Variants in IGF2BP3 observed in about 807,000 individuals in gnomAD.
IGF2BP3 encodes the protein insulin-like growth factor 2 mRNA-binding protein 3.
Under a neutral mutation model 73.8 loss-of-function variants are expected in IGF2BP3, and 9 were observed. The ratio of observed to expected loss-of-function variants is 0.12; its 90% CI spans 0.07 to 0.21. IGF2BP3 has a LOEUF of 0.21. IGF2BP3 is among the 10% of genes least tolerant of loss of function. The probability of loss-of-function intolerance (pLI) is 1.00; values close to 1 mark genes in which losing one functional copy is unlikely to be tolerated. For synonymous variants in IGF2BP3, 258 were observed against 256.7 expected (o/e 1.01, Z -0.05); for missense variants, 542 against 714.0 (o/e 0.76, Z 2.75).
At chr7:23,345,869 T>A in intron 8 of IGF2BP3, 71 bp downstream of exon 8, 1 of 1,542,056 alleles carries the variant, frequency 6.5e-7, no homozygotes, top group East Asian at 2.3e-5. Context: ...AGTGGGAAGC[T>A]AAGCCCAATA....
chr7:23,349,521 C>G (rs1051824451), intron 6 of IGF2BP3, among the ~76,000 whole-genome samples: 40 of 152,198 alleles, frequency 2.6e-4, no homozygotes, highest in African/African-American at 8.7e-4. Flanking sequence ...ATTAGCATCC[C>G]TCTTTGCAGT....
chr7:23,334,981 T>G (rs274033), intron 10 of IGF2BP3, among the ~76,000 whole-genome samples: 7,448 of 151,626 alleles, frequency 0.049, 310 homozygotes, highest in African/African-American at 0.1. Flanking sequence ...CCTGGGTTTT[T>G]TTGTTGTTGT....
intron 3 of IGF2BP3, among the ~76,000 whole-genome samples, chr7:23,367,555 C>G (rs753890232): frequency 1.3e-5 from 2 of 151,870 alleles, no homozygotes; most frequent in Non-Finnish European, 2.9e-5. Flanking sequence ...AAACATTTCT[C>G]TATGCTTAGG....
chr7:23,403,579 G>T (rs545472441), intron 3 of IGF2BP3, among the ~76,000 whole-genome samples: 2 of 152,280 alleles, frequency 1.3e-5, no homozygotes, highest in East Asian at 3.9e-4. Context: ...AAGTGAACTT[G>T]CAGGAGATAT....
intron 2 of IGF2BP3, among the ~76,000 whole-genome samples, chr7:23,461,051 G>A (rs1312268374): frequency 1.3e-5 from 2 of 151,920 alleles, no homozygotes; most frequent in African/African-American, 2.4e-5. Context: ...TTTGTAAATC[G>A]TTCTCCTTCT....
At position 23,458,742 on chromosome 7, in the gene IGF2BP3, T is replaced by A. The variant is rs190436578; in HGVS notation, c.236+9740A>T. 4.5e-3 allele frequency among the ~76,000 whole-genome samples: 688 copies of A among 152,314 alleles called. 1 individual carries two copies. Among genetic ancestry groups the A allele is most frequent in the Non-Finnish European group, 7.4e-3 (504 of 68,026 alleles). ...GGATATCCATGTTTTTATTCTACAA[T>A]AAGCCCTGGGGCACAGACTACCTGT... On this transcript the variant is annotated intron_variant, in intron 2 of 14. Transcript: ENST00000258729.
chr7:23,453,743 G>C (rs186188399), intron 2 of IGF2BP3, among the ~76,000 whole-genome samples: 2 of 152,306 alleles, frequency 1.3e-5, no homozygotes, highest in East Asian at 3.9e-4. Context: ...GCCAACACCA[G>C]ATACGGCCAA....
chr7:23,389,949 C>T (rs984164753), intron 3 of IGF2BP3, among the ~76,000 whole-genome samples: 2 of 152,082 alleles, frequency 1.3e-5, no homozygotes, highest in African/African-American at 4.8e-5. Context: ...ACACTCCAGC[C>T]TGGGCAACAG....
intron 2 of IGF2BP3, among the ~76,000 whole-genome samples, chr7:23,443,089 A>C (rs1386706772): frequency 6.7e-6 from 1 of 149,916 alleles, no homozygotes; most frequent in Non-Finnish European, 1.5e-5. Flanking sequence ...CTACATATTT[A>C]AACATTACAG....
chr7:23,353,705 G>A (rs1785022730), intron 5 of IGF2BP3, among the ~76,000 whole-genome samples: 2 of 152,170 alleles, frequency 1.3e-5, no homozygotes, highest in African/African-American at 4.8e-5. Context: ...ATTTCCATGT[G>A]ATTTCTATGT....
intron 11 of IGF2BP3, among the ~76,000 whole-genome samples, chr7:23,318,350 G>C (rs1260658369): frequency 2.6e-5 from 4 of 152,060 alleles, no homozygotes; most frequent in Non-Finnish European, 5.9e-5. Context: ...AGCCTCCCAA[G>C]CAGCTGGGAC....
At chr7:23,387,539 T>A (rs112008405) in intron 3 of IGF2BP3, among the ~76,000 whole-genome samples, 1 of 152,078 alleles carries the variant, frequency 6.6e-6, no homozygotes, top group Non-Finnish European at 1.5e-5. Flanking sequence ...ACTCAAGTAT[T>A]AATGTTAATA....
chr7:23,456,565 T>C (rs552511238), intron 2 of IGF2BP3, among the ~76,000 whole-genome samples: 1 of 152,322 alleles, frequency 6.6e-6, no homozygotes, highest in Admixed American at 6.5e-5. Flanking sequence ...AATTTTTATA[T>C]ACAAGGGGCA....
At chr7:23,394,053 T>C (rs1583984274) in intron 3 of IGF2BP3, among the ~76,000 whole-genome samples, 1 of 151,618 alleles carries the variant, frequency 6.6e-6, no homozygotes, top group Admixed American at 6.5e-5. Context: ...CAGACAGGTA[T>C]AGGGGTTGTG....
At chr7:23,330,264 T>G (rs957283420) in intron 10 of IGF2BP3, among the ~76,000 whole-genome samples, 8 of 151,610 alleles carry the variant, frequency 5.3e-5, no homozygotes, top group East Asian at 3.9e-4. Context: ...CCAGCCCGGG[T>G]GACAGTACAA....
intron 3 of IGF2BP3, among the ~76,000 whole-genome samples, chr7:23,395,218 G>C (rs1019600743): frequency 1.3e-5 from 2 of 151,950 alleles, no homozygotes; most frequent in Non-Finnish European, 2.9e-5. Flanking sequence ...AAAATAGAAA[G>C]CTGAGTATTA....
intron 2 of IGF2BP3, among the ~76,000 whole-genome samples, chr7:23,442,714 AAAATAACAAG>A (rs1787965645): frequency 6.6e-6 from 1 of 152,098 alleles, no homozygotes; most frequent in Non-Finnish European, 1.5e-5. Context: ...TTTCATTTTT[AAAATAACAAG>A]AAATAACATA....
At chr7:23,436,334 C>T (rs1014364779) in intron 2 of IGF2BP3, among the ~76,000 whole-genome samples, 1 of 152,140 alleles carries the variant, frequency 6.6e-6, no homozygotes, top group African/African-American at 2.4e-5. Flanking sequence ...ATGTAAAAAG[C>T]TTGCTGTCTT....
chr7:23,384,812 G>A (rs1233508647), intron 3 of IGF2BP3, among the ~76,000 whole-genome samples: 1 of 152,158 alleles, frequency 6.6e-6, no homozygotes, highest in Non-Finnish European at 1.5e-5. Context: ...GATCACTTGA[G>A]CCTCAGAGGC....
Sources: gnomAD v4.1 joint callset for allele counts (sites outside exome capture counted in the v4.1 genomes callset) on GRCh38, gnomAD v4.1.1 for gene constraint, MANE v1.5 for transcripts, NCBI Gene and HGNC (gene_info 2026-07-23, HGNC 2026-07-21) for gene names.